The following SLIT3 variants were observed in gnomAD, a reference collection of about 807,000 sequenced individuals.
SLIT3 encodes slit guidance ligand 3, also known as slit homolog 3 protein.
In SLIT3, 68 loss-of-function variants were observed where a neutral mutation model predicts 184.0. The ratio of observed to expected loss-of-function variants is 0.37; its 90% CI spans 0.30 to 0.45. The LOEUF (loss-of-function observed/expected upper bound fraction) is 0.45, where lower values mean the gene tolerates loss of function less well. Among genes scored for constraint, SLIT3 ranks in the 20% least tolerant of loss-of-function variants. The pLI is 1.00. For missense variants in SLIT3, 1,707 were observed against 2,026.0 expected (o/e 0.84, Z 3.02); for synonymous variants, 831 against 828.6 (o/e 1.00, Z -0.05).
intron 4 of SLIT3, among the ~76,000 whole-genome samples, chr5:169,070,882 C>T (rs145326781): frequency 6.7e-6 from 1 of 150,330 alleles, no homozygotes; most frequent in African/African-American, 2.4e-5. Context: ...CTTAAAAAAA[C>T]ATTTAGAATC....
intron 1 of SLIT3, among the ~76,000 whole-genome samples, chr5:169,297,477 G>GAC (rs201455672): frequency 2.0e-5 from 3 of 151,820 alleles, no homozygotes; most frequent in South Asian, 2.1e-4. Context: ...AATATACACA[G>GAC]ACACACACAC....
At chr5:169,054,870 T>A (rs1757938825) in intron 4 of SLIT3, among the ~76,000 whole-genome samples, 1 of 152,130 alleles carries the variant, frequency 6.6e-6, no homozygotes, top group Non-Finnish European at 1.5e-5. Context: ...ACCCCTGGCC[T>A]AGGGGGTCCC....
chr5:169,279,234 A>C (rs543041173), intron 1 of SLIT3, among the ~76,000 whole-genome samples: 60 of 152,202 alleles, frequency 3.9e-4, no homozygotes, highest in Non-Finnish European at 1.2e-4. Flanking sequence ...TCTAACCAAA[A>C]ACAAAGTGTG....
chr5:168,723,557 G>A (rs1763012998), intron 21 of SLIT3, among the ~76,000 whole-genome samples: 3 of 152,112 alleles, frequency 2.0e-5, no homozygotes, highest in Admixed American at 6.6e-5. Flanking sequence ...ATCTCTCCTT[G>A]TTTTAGTACT....
intron 4 of SLIT3, among the ~76,000 whole-genome samples, chr5:169,179,688 ATG>A (rs1554104766): frequency 2.0e-5 from 3 of 151,432 alleles, no homozygotes; most frequent in Non-Finnish European, 2.9e-5. Flanking sequence ...GCATGAGCAT[ATG>A]TGTGTGTGTG....
intron 30 of SLIT3, 148 bp from the exon 31 acceptor site, chr5:168,686,075 T>G: frequency 1.1e-6 from 1 of 899,134 alleles, no homozygotes; most frequent in Admixed American, 3.4e-5. Flanking sequence ...GCCCTGCCAC[T>G]AACCGGGGCA....
intron 4 of SLIT3, among the ~76,000 whole-genome samples, chr5:168,954,026 G>A (rs908493856): frequency 6.6e-6 from 1 of 152,068 alleles, no homozygotes; most frequent in African/African-American, 2.4e-5. Flanking sequence ...TACTTCAAAG[G>A]TGTCATTTCT....
chr5:169,285,876 C>T (rs77773400), intron 1 of SLIT3, among the ~76,000 whole-genome samples: 9,543 of 152,298 alleles, frequency 0.063, 497 homozygotes, highest in Admixed American at 0.18. Context: ...CCAGACTCTG[C>T]AGATGATGCC....
At chr5:169,221,217 AATCT>A (rs1249239948) in intron 3 of SLIT3, among the ~76,000 whole-genome samples, 17 of 152,238 alleles carry the variant, frequency 1.1e-4, no homozygotes, top group Non-Finnish European at 8.8e-5. Context: ...TGCAAGAGCA[AATCT>A]ACTTGAGGTT....
intron 14 of SLIT3, chr5:168,772,348 G>T (rs1346404509): frequency 5.3e-6 from 1 of 189,734 alleles, no homozygotes; most frequent in Non-Finnish European, 1.1e-5. Flanking sequence ...GGAGTGGGAG[G>T]TCCCCAAGAT....
intron 4 of SLIT3, among the ~76,000 whole-genome samples, chr5:168,998,369 T>C (rs994482043): frequency 2.6e-5 from 4 of 152,190 alleles, no homozygotes; most frequent in Non-Finnish European, 4.4e-5. Flanking sequence ...CTAGTTATAA[T>C]GTTTTGATGC....
intron 12 of SLIT3, among the ~76,000 whole-genome samples, chr5:168,785,415 G>A (rs909714409): frequency 1.3e-5 from 2 of 152,138 alleles, no homozygotes; most frequent in Admixed American, 1.3e-4. Flanking sequence ...TCTCCACCCT[G>A]TCTTTCCCAG....
intron 4 of SLIT3, among the ~76,000 whole-genome samples, chr5:168,900,604 A>C (rs576235734): frequency 6.6e-6 from 1 of 152,252 alleles, no homozygotes; most frequent in South Asian, 2.1e-4. Flanking sequence ...GATGGGAGTG[A>C]AACCCTGTCT....
intron 1 of SLIT3, among the ~76,000 whole-genome samples, chr5:169,293,808 C>T (rs1200528094): frequency 6.6e-6 from 1 of 152,216 alleles, no homozygotes; most frequent in Non-Finnish European, 1.5e-5. Context: ...GTACTGACAA[C>T]ACAACTATGA....
chr5:168,841,109 C>G (rs974194750), intron 6 of SLIT3, among the ~76,000 whole-genome samples: 2 of 152,244 alleles, frequency 1.3e-5, no homozygotes, highest in African/African-American at 4.8e-5. Context: ...CACCCTGCAG[C>G]CCACAGCCGC....
At chr5:168,700,534 T>C in intron 27 of SLIT3, 48 bp downstream of exon 27, 1 of 1,289,694 alleles carries the variant, frequency 7.8e-7, no homozygotes, top group South Asian at 1.2e-5. Context: ...TTATTAGCAG[T>C]GTGAGAGCAA....
At chr5:168,907,884 A>G (rs1761107252) in intron 4 of SLIT3, among the ~76,000 whole-genome samples, 1 of 131,724 alleles carries the variant, frequency 7.6e-6, no homozygotes, top group African/African-American at 2.8e-5. Flanking sequence ...ATATAGATAT[A>G]TGATATATAT....
chr5:169,272,857 C>T (rs1158321183), intron 1 of SLIT3, among the ~76,000 whole-genome samples: 2 of 152,218 alleles, frequency 1.3e-5, no homozygotes, highest in African/African-American at 4.8e-5. Flanking sequence ...TGCACACGCG[C>T]AAGCACCAGC....
intron 4 of SLIT3, among the ~76,000 whole-genome samples, chr5:169,157,567 T>G (rs1198987650): frequency 2.0e-5 from 3 of 152,132 alleles, no homozygotes; most frequent in Non-Finnish European, 4.4e-5. Context: ...CCTTCCCATG[T>G]CAGAGCAGTA....
Sources: gnomAD v4.1 joint callset for allele counts (sites outside exome capture counted in the v4.1 genomes callset) on GRCh38, gnomAD v4.1.1 for gene constraint, MANE v1.5 for transcripts, NCBI Gene and HGNC (gene_info 2026-07-23, HGNC 2026-07-21) for gene names.